The following HAVCR1 variants were observed in gnomAD, a reference collection of about 807,000 sequenced individuals.
HAVCR1 encodes T cell immunoglobin domain and mucin domain protein 1.
Under a neutral mutation model 32.0 loss-of-function variants are expected in HAVCR1, and 34 were observed. The observed-to-expected ratio is 1.06, with a 90% CI of 0.81 to 1.42. The LOEUF (loss-of-function observed/expected upper bound fraction) is 1.42, where lower values mean the gene tolerates loss of function less well. Among genes scored for constraint, HAVCR1 ranks in the 40% most tolerant of loss-of-function variants. HAVCR1 has a pLI of 0.00. For missense variants in HAVCR1, 420 were observed against 442.3 expected (o/e 0.95, Z 0.45); for synonymous variants, 178 against 170.3 (o/e 1.05, Z -0.35).
chr5:157,035,454 C>T (rs1001095427), intron 7 of HAVCR1, among the ~76,000 whole-genome samples: 2 of 152,152 alleles, frequency 1.3e-5, no homozygotes, highest in African/African-American at 4.8e-5. Flanking sequence ...GACAAACACA[C>T]ACACACACAG....
chr5:157,057,386 GGAAAGAAAGAAAGAAAGAAA>G (rs544010943), intron 2 of HAVCR1, among the ~76,000 whole-genome samples: 5,402 of 79,288 alleles, frequency 0.068, 232 homozygotes, highest in Middle Eastern at 0.11. Context: ...GAGAGAGAGA[GGAAAGAAAGAAAGAAAGAAA>G]GAAAGAAAGA....
At chr5:157,048,258 G>T (rs529747982) in intron 5 of HAVCR1, among the ~76,000 whole-genome samples, 2 of 152,268 alleles carry the variant, frequency 1.3e-5, no homozygotes, top group African/African-American at 4.8e-5. Flanking sequence ...GGATTTAATT[G>T]TTTTAAGGCC....
At chr5:157,064,184 G>A in the HAVCR1 span, among the ~76,000 whole-genome samples, 118 of 152,236 alleles carry the variant, frequency 7.8e-4, no homozygotes, top group Non-Finnish European at 1.3e-3. Context: ...GAAGAGATGG[G>A]TTAGCAGTGG....
chr5:157,047,942 G>A (rs1053839020), intron 5 of HAVCR1, among the ~76,000 whole-genome samples: 6 of 152,126 alleles, frequency 3.9e-5, no homozygotes, highest in Admixed American at 6.5e-5. Flanking sequence ...GACAGTGTAA[G>A]AACTGAATTA....
At chr5:157,054,515 TA>T (rs1755996887) in intron 3 of HAVCR1, among the ~76,000 whole-genome samples, 1 of 151,668 alleles carries the variant, frequency 6.6e-6, no homozygotes, top group African/African-American at 2.4e-5. Context: ...AAAAAGTAAA[TA>T]AAAAAATAAA....
the HAVCR1 span, among the ~76,000 whole-genome samples, chr5:157,068,712 A>C: frequency 6.6e-6 from 1 of 150,526 alleles, no homozygotes; most frequent in Admixed American, 6.7e-5. Flanking sequence ...TCCCAGGCTC[A>C]ATCCATCCTC....
chr5:157,054,048 G>T (rs1755953703), intron 3 of HAVCR1, among the ~76,000 whole-genome samples: 1 of 151,342 alleles, frequency 6.6e-6, no homozygotes, highest in South Asian at 2.1e-4. Flanking sequence ...GCCGGGCATG[G>T]TGATGCACTC....
At chr5:157,059,525 A>T (rs1277152520), upstream of HAVCR1, among the ~76,000 whole-genome samples, 6 of 152,104 alleles carry the variant, frequency 3.9e-5, no homozygotes, top group Admixed American at 3.3e-4. Context: ...AAATACAAAA[A>T]TTAGCTGGGG....
At chr5:157,053,163 G>T (rs1755876038) in intron 3 of HAVCR1, among the ~76,000 whole-genome samples, 1 of 151,840 alleles carries the variant, frequency 6.6e-6, no homozygotes, top group Non-Finnish European at 1.5e-5. Context: ...AAGGTGGGTG[G>T]ACTACTTCAG....
chr5:157,057,767 C>T (rs747940231), intron 2 of HAVCR1, 131 bp downstream of exon 2: 27 of 707,604 alleles, frequency 3.8e-5, no homozygotes, highest in Non-Finnish European at 5.6e-5. Context: ...TAACTCATAG[C>T]CATACAACGG....
At chr5:157,043,756 A>G (rs1016885292) in intron 5 of HAVCR1, among the ~76,000 whole-genome samples, 1 of 152,228 alleles carries the variant, frequency 6.6e-6, no homozygotes, top group African/African-American at 2.4e-5. Flanking sequence ...CATGTAGTGA[A>G]CACTTTACCT....
intron 6 of HAVCR1, among the ~76,000 whole-genome samples, chr5:157,041,727 C>A (rs1206894571): frequency 3.9e-5 from 6 of 152,138 alleles, no homozygotes. Flanking sequence ...TAATTGAATT[C>A]CTCCTTGGTG....
intron 1 of HAVCR1, 70 bp downstream of exon 1, chr5:157,058,851 C>T (rs1254193773): frequency 6.6e-6 from 1 of 152,204 alleles, no homozygotes; most frequent in Non-Finnish European, 1.5e-5. Context: ...CAACATGCTT[C>T]AGACTACACC....
At chr5:157,033,413 T>C (rs1197722305) in intron 7 of HAVCR1, among the ~76,000 whole-genome samples, 1 of 152,122 alleles carries the variant, frequency 6.6e-6, no homozygotes, top group East Asian at 1.9e-4. Flanking sequence ...CAAATAGGCT[T>C]CTTTGGAATT....
At chr5:157,040,034 C>T (rs1027853256) in intron 6 of HAVCR1, among the ~76,000 whole-genome samples, 1 of 152,188 alleles carries the variant, frequency 6.6e-6, no homozygotes, top group Admixed American at 6.5e-5. Context: ...CGGTAGCTCA[C>T]GTCTGTGGAA....
chr5:157,059,662 C>A (rs563132916), upstream of HAVCR1, among the ~76,000 whole-genome samples: 1 of 152,164 alleles, frequency 6.6e-6, no homozygotes, highest in Non-Finnish European at 1.5e-5. Flanking sequence ...ACAACAAGAA[C>A]AAAACTCCAT....
intron 5 of HAVCR1, among the ~76,000 whole-genome samples, chr5:157,044,647 A>AAG (rs763352460): frequency 2.4e-5 from 3 of 126,046 alleles, no homozygotes; most frequent in African/African-American, 3.4e-5. Context: ...GAAAGAAAGA[A>AAG]AGAAAGAAAG....
upstream of HAVCR1, among the ~76,000 whole-genome samples, chr5:157,059,820 CA>C (rs34583405): frequency 1 from 152,084 of 152,088 alleles, 76,040 homozygotes; most frequent in Middle Eastern, 1. Flanking sequence ...TCCCTCTCTG[CA>C]AAAAAAACGA....
intron 6 of HAVCR1, among the ~76,000 whole-genome samples, 177 bp from the exon 7 acceptor site, chr5:157,037,538 A>G (rs2113509024): frequency 6.6e-6 from 1 of 152,344 alleles, no homozygotes; most frequent in South Asian, 2.1e-4. Context: ...ATCTAGGACA[A>G]CTTGAAACGC....
Sources: gnomAD v4.1 joint callset for allele counts (sites outside exome capture counted in the v4.1 genomes callset) on GRCh38, gnomAD v4.1.1 for gene constraint, MANE v1.5 for transcripts, NCBI Gene and HGNC (gene_info 2026-07-23, HGNC 2026-07-21) for gene names.